VWA5B1: variants seen among roughly 807,000 people sequenced by gnomAD.
VWA5B1 encodes the protein von Willebrand factor A domain-containing protein 5B1.
VWA5B1 carries 115 observed loss-of-function variants against 118.2 expected under a neutral mutation model. The ratio of observed to expected loss-of-function variants is 0.97; its 90% CI spans 0.84 to 1.14. The LOEUF (loss-of-function observed/expected upper bound fraction) is 1.14. Ranked by LOEUF, VWA5B1 falls within the 50% of genes most tolerant of loss-of-function variation. The probability of loss-of-function intolerance (pLI) is 0.00; values close to 1 mark genes in which losing one functional copy is unlikely to be tolerated. For synonymous variants in VWA5B1, 682 were observed against 658.4 expected (o/e 1.04, Z -0.55); for missense variants, 1,596 against 1,603.8 (o/e 1.00, Z 0.08).
chr1:20,349,484 A>C (rs2090079064), intron 18 of VWA5B1, among the ~76,000 whole-genome samples: 2 of 151,946 alleles, frequency 1.3e-5, no homozygotes, highest in African/African-American at 4.8e-5. Context: ...CCTGGGTTCA[A>C]GCGATTCTCC....
intron 12 of VWA5B1, among the ~76,000 whole-genome samples, chr1:20,333,830 T>A (rs957051516): frequency 6.6e-6 from 1 of 152,256 alleles, no homozygotes; most frequent in Non-Finnish European, 1.5e-5. Context: ...CGTGAGTCTG[T>A]CCACTCTCTC....
Position 20,357,507 on chromosome 1 carries a change from C to T in VWA5B1, c.*3244C>T, listed in dbSNP as rs982884887. Among the ~76,000 whole-genome samples, 1 of 152,192 alleles carries T rather than the reference C, an allele frequency of 6.6e-6. No homozygotes were observed. The highest frequency in any genetic ancestry group is 1.5e-5 in the Non-Finnish European group (1 of 68,024). ...AGCAGCTCTTCTCTGGTTACTAGGT[C>T]GCAAAATGCTGGTCTAGATCTCTCT... On this transcript the variant is annotated 3_prime_UTR_variant, in exon 22 of 22. Coordinates refer to ENST00000289815, the MANE Select transcript of VWA5B1 (RefSeq NM_001039500.3).
chr1:20,347,803 T>C (rs2090039332), intron 17 of VWA5B1, among the ~76,000 whole-genome samples: 1 of 151,830 alleles, frequency 6.6e-6, no homozygotes, highest in Non-Finnish European at 1.5e-5. Flanking sequence ...CCAACCCCTC[T>C]TGGTGATGCC....
At position 20,317,517 on chromosome 1, in the gene VWA5B1, G is replaced by C; in HGVS notation, c.564-13G>C. On this transcript the variant is annotated splice_polypyrimidine_tract_variant and intron_variant, in intron 4 of 21. Transcript: ENST00000289815. ...CTGGCTGGTCTCCTTTCCTTCCCCC[G>C]GCCCTTTTCCAGCAAAGACAGGCAC... 2 of 1,550,834 alleles carry C rather than the reference G, an allele frequency of 1.3e-6. No individual in the cohort carries two copies. The highest frequency in any genetic ancestry group is 1.4e-5 in the African/African-American group (1 of 73,094).
chr1:20,319,280 G>T, intron 6 of VWA5B1, 102 bp from the exon 7 acceptor site: 1 of 1,475,200 alleles, frequency 6.8e-7, no homozygotes, highest in Non-Finnish European at 9.1e-7. Context: ...CTTCCAAATG[G>T]GAGTCCCACC....
Position 20,352,165 on chromosome 1 carries a change from T to C in VWA5B1, c.3134T>C (p.Ile1045Thr), listed in dbSNP as rs768141336. ...STSGNQSFDY[I>T]PLVSLQLASG... ...TCCGGGAACCAGAGCTTCGACTACA[T>C]ACCTCTGGTGAGTGCCCTGACCCCA... The change falls in exon 21 of 22, where the codon ATA becomes ACA. Residue 1045 changes from isoleucine to threonine, a missense_variant. Ile to Thr is a moderately conservative substitution (Grantham distance 89). Coordinates refer to ENST00000289815, the MANE Select transcript of VWA5B1 (RefSeq NM_001039500.3). 14 of 1,550,748 alleles carry C rather than the reference T, an allele frequency of 9.0e-6. No homozygotes were observed. Among genetic ancestry groups the C allele is most frequent in the Admixed American group, 2.0e-5 (1 of 50,958 alleles).
chr1:20,323,591 G>A lies in VWA5B1; in HGVS notation c.1143+59G>A. The A allele has an allele frequency of 4.6e-6, 6 of 1,306,966 alleles. No individual in the cohort carries two copies. In the South Asian group the frequency reaches 8.7e-5, roughly 19 times the overall value. The allele number at this position is 1,306,966 out of a possible 1,614,324, so 81.0% of individuals were successfully genotyped here. A position where few individuals can be genotyped will look rare whatever the true frequency, so the allele number is the denominator to read the frequency against. ...GGGCTCCAGGGGAAATCAGCTGTGT[G>A]CCCCCAATCCAGCTTCCTCAGCACT... On this transcript the variant is annotated intron_variant, in intron 8 of 21. Transcript: ENST00000289815.
chr1:20,314,939 G>A (rs2088959551), intron 4 of VWA5B1, among the ~76,000 whole-genome samples: 1 of 152,084 alleles, frequency 6.6e-6, no homozygotes, highest in African/African-American at 2.4e-5. Flanking sequence ...TAGAGAAAGA[G>A]AAAAACCAAC....
intron 1 of VWA5B1, among the ~76,000 whole-genome samples, chr1:20,299,718 G>T (rs2088471868): frequency 6.6e-6 from 1 of 152,210 alleles, no homozygotes; most frequent in Non-Finnish European, 1.5e-5. Flanking sequence ...GTGGCATCTT[G>T]TTGAAATGAC....
rs1023798964 is a variant in VWA5B1 at position 20,309,683 on chromosome 1, G to C, written c.-26-893G>C. Among the ~76,000 whole-genome samples the C allele has an allele frequency of 2.6e-5, 4 of 152,250 alleles. No homozygotes were observed. The South Asian group carries it at 8.3e-4, about 32-fold the overall frequency. On this transcript the variant is annotated intron_variant, in intron 1 of 21. Transcript: ENST00000289815. ...ATTGGTGGGTAGAAGAGGGTAGTGG[G>C]GTAGCAGAGACCTGTCCAGTTTATG...
At chr1:20,348,634 GTCTGCTGACCCTGGTGCTGT>G (rs1335405109) in intron 18 of VWA5B1, among the ~76,000 whole-genome samples, 2 of 152,216 alleles carry the variant, frequency 1.3e-5, no homozygotes, top group Non-Finnish European at 2.9e-5. Flanking sequence ...CCCTTCTGAG[GTCTGCTGACCCTGGTGCTGT>G]TCCCTGCCTC....
chr1:20,327,934 C>T lies in VWA5B1; in HGVS notation c.1188C>T (p.Leu396=). The change falls in exon 9 of 22, where the codon CTC becomes CTT. Residue 396 remains leucine, a synonymous_variant. Coordinates refer to ENST00000289815, the MANE Select transcript of VWA5B1 (RefSeq NM_001039500.3). ...VALKSLMPAC[L]FNIIGFGSTF... ...TTAAGAGCCTCATGCCAGCCTGCCT[C>T]TTCAATATCATTGGGTTTGGATCCA... 2 of 1,551,548 alleles carry T rather than the reference C, an allele frequency of 1.3e-6. No individual in the cohort carries two copies. Among genetic ancestry groups the T allele is most frequent in the Middle Eastern group, 3.3e-4 (2 of 5,988 alleles).
chr1:20,299,333 G>A (rs557432003), intron 1 of VWA5B1, among the ~76,000 whole-genome samples: 5 of 152,322 alleles, frequency 3.3e-5, no homozygotes, highest in South Asian at 4.1e-4. Flanking sequence ...CCTGCAGTAA[G>A]ATGCCCCATG....
In VWA5B1 at chr1:20,345,505, C is replaced by T; in HGVS notation, c.2676C>T (p.Cys892=). The T allele has an allele frequency of 7.1e-6, 11 of 1,551,260 alleles. No individual in the cohort carries two copies. Among genetic ancestry groups the T allele is most frequent in the Non-Finnish European group, 9.6e-6 (11 of 1,146,986 alleles). ...QVSALHTSKA[C]NIISKYTAFV... ...GCGCCTTGCACACCAGCAAGGCCTG[C>T]AACATCATTAGCAAATACACAGCCT... Residue 892 remains cysteine (C), a synonymous_variant, in exon 17 of 22, where the codon TGC becomes TGT. Coordinates refer to ENST00000289815, the MANE Select transcript of VWA5B1 (RefSeq NM_001039500.3).
intron 12 of VWA5B1, among the ~76,000 whole-genome samples, chr1:20,334,555 A>G (rs932219440): frequency 2.0e-5 from 3 of 152,228 alleles, no homozygotes; most frequent in African/African-American, 7.2e-5. Flanking sequence ...TCACGCCTAT[A>G]ATCCCAGCAC....
intron 10 of VWA5B1, 60 bp downstream of exon 10, chr1:20,330,442 G>C: frequency 4.6e-6 from 7 of 1,536,854 alleles, no homozygotes; most frequent in Non-Finnish European, 6.2e-6. Flanking sequence ...TGGGGCGCCA[G>C]AGCCCAAGGG....
At chr1:20,318,056 C>G (rs923173692) in intron 5 of VWA5B1, among the ~76,000 whole-genome samples, 34 of 149,248 alleles carry the variant, frequency 2.3e-4, no homozygotes, top group Non-Finnish European at 2.8e-4. Flanking sequence ...CCCAGAGATT[C>G]TGGGGTGAGT....
In VWA5B1 at chr1:20,314,355, C is replaced by T. The variant is rs1415879039; in HGVS notation, c.326C>T (p.Pro109Leu). ...NILQDGVSIAPHSCTPGKVTL... is the reference protein window; with the variant it reads ...NILQDGVSIALHSCTPGKVTL... Reference sequence around the variant, plus strand: ...CTGCAAGACGGGGTTTCCATAGCCCCTCATTCCTGCACACCGGGAAAGGTG... The same window carrying T: ...CTGCAAGACGGGGTTTCCATAGCCCTTCATTCCTGCACACCGGGAAAGGTG... Residue 109 changes from proline (P) to leucine (L), a missense_variant, in exon 4 of 22, where the codon CCT (proline) becomes CTT (leucine). Coordinates refer to ENST00000289815, the MANE Select transcript of VWA5B1 (RefSeq NM_001039500.3). The T allele has an allele frequency of 6.4e-6, 10 of 1,551,828 alleles. No homozygotes were observed. The highest frequency in any genetic ancestry group is 7.8e-6 in the Non-Finnish European group (9 of 1,147,056).
Position 20,357,283 on chromosome 1 carries a change from G to T in VWA5B1, c.*3020G>T, listed in dbSNP as rs531060933. Among the ~76,000 whole-genome samples, 1 of 152,318 alleles carries T rather than the reference G, an allele frequency of 6.6e-6. No homozygotes were observed. Among genetic ancestry groups the T allele is most frequent in the Admixed American group, 6.5e-5 (1 of 15,304 alleles). On this transcript the variant is annotated 3_prime_UTR_variant, in exon 22 of 22. Transcript: ENST00000289815. ...CTGAACCCCTGTTTCATCTTTTGTG[G>T]AATGACGGGGGTTCACAAGATCAGC...
Sources: allele counts gnomAD v4.1 joint callset (sites outside exome capture counted in the v4.1 genomes callset), GRCh38; gene constraint gnomAD v4.1.1; transcripts MANE v1.5; gene names NCBI Gene and HGNC (gene_info 2026-07-23, HGNC 2026-07-21).